ATP2B2: variants seen among roughly 807,000 people sequenced by gnomAD.
The protein encoded by ATP2B2 is plasma membrane calcium-transporting ATPase 2.
In ATP2B2, 15 loss-of-function variants were observed where a neutral mutation model predicts 120.0. The ratio of observed to expected loss-of-function variants is 0.12; its 90% CI spans 0.08 to 0.19. The LOEUF (loss-of-function observed/expected upper bound fraction) is 0.19. Among genes scored for constraint, ATP2B2 ranks in the 10% least tolerant of loss-of-function variants. The pLI is 1.00. For missense variants in ATP2B2, 1,045 were observed against 1,719.8 expected, an observed-to-expected ratio of 0.61 and a Z score of 6.94; for synonymous variants, 694 against 700.3, an observed-to-expected ratio of 0.99 and a Z score of 0.14.
chr3:10,473,624 C>T (rs2065096000), intron 1 of ATP2B2, among the ~76,000 whole-genome samples: 2 of 152,206 alleles, frequency 1.3e-5, no homozygotes, highest in African/African-American at 4.8e-5. Context: ...GAATGAGGCT[C>T]TGTCACACAA....
At chr3:10,413,049 T>C (rs1034302814) in intron 2 of ATP2B2, among the ~76,000 whole-genome samples, 1 of 151,984 alleles carries the variant, frequency 6.6e-6, no homozygotes, top group Admixed American at 6.6e-5. Flanking sequence ...TGGTCTAATA[T>C]ATGGTTTTAG....
intron 2 of ATP2B2, among the ~76,000 whole-genome samples, chr3:10,537,253 T>C (rs1156613687): frequency 5.3e-5 from 8 of 152,352 alleles, no homozygotes; most frequent in African/African-American, 1.4e-4. Context: ...TCTACATCTA[T>C]ACTGATTTTT....
intron 2 of ATP2B2, among the ~76,000 whole-genome samples, 166 bp downstream of exon 2, chr3:10,449,179 C>A (rs940884283): frequency 2.0e-5 from 3 of 152,242 alleles, no homozygotes; most frequent in Non-Finnish European, 1.5e-5. Context: ...CCCAGCCTAT[C>A]CAGAGGGGCT....
Position 10,358,819 on chromosome 3 carries a change from G to A in ATP2B2, c.2008C>T (p.Arg670Cys). ...VIEPMACDGLRTICVAYRDFP... is the reference protein window; with the variant it reads ...VIEPMACDGLCTICVAYRDFP... ...TCGCGGTAGGCCACGCAGATAGTGC[G>A]GAGCCCATCGCAAGCCATGGGCTCA... The change falls in exon 14 of 23, where the codon CGC (arginine) becomes TGC (cysteine). Residue 670 changes from arginine to cysteine, a missense_variant. Coordinates refer to ENST00000360273, the MANE Select transcript of ATP2B2 (RefSeq NM_001001331.4). 1 of 1,614,214 alleles carries A rather than the reference G, an allele frequency of 6.2e-7. No homozygotes were observed.
rs2059931145 is a variant in ATP2B2 at position 10,329,814 on chromosome 3, CG to C, written c.3421-690del. 6.6e-6 allele frequency among the ~76,000 whole-genome samples: 1 copy of C among 152,134 alleles called. No homozygotes were observed. The highest frequency in any genetic ancestry group is 2.1e-4 in the South Asian group (1 of 4,826). ...CTGGCGGACAGATGACATTCGGGGGCGGGCTGCATGCCACGGGGAGGCCGGG... is the reference window on the plus strand; with the variant it reads ...CTGGCGGACAGATGACATTCGGGGGCGGCTGCATGCCACGGGGAGGCCGGG... On this transcript the variant is annotated intron_variant, in intron 22 of 22. Transcript: ENST00000360273. The surrounding 1 kb of genome is among the most constrained non-coding windows in gnomAD (Gnocchi z 5.9).
chr3:10,678,528 C>G (rs1163521647), intron 1 of ATP2B2, among the ~76,000 whole-genome samples: 1 of 152,170 alleles, frequency 6.6e-6, no homozygotes, highest in African/African-American at 2.4e-5. Flanking sequence ...CAGGTCTAAC[C>G]AAGAAAATGG....
At chr3:10,415,019 C>G (rs180958315) in intron 2 of ATP2B2, among the ~76,000 whole-genome samples, 185 of 152,216 alleles carry the variant, frequency 1.2e-3, no homozygotes, top group African/African-American at 4.3e-3. Context: ...CATGACGTCT[C>G]GCTCACTCCC....
chr3:10,582,524 C>T (rs377547210), intron 2 of ATP2B2, among the ~76,000 whole-genome samples: 1 of 152,152 alleles, frequency 6.6e-6, no homozygotes, highest in East Asian at 1.9e-4. Flanking sequence ...ATTATATGTG[C>T]TTTGGAGAAA....
intron 2 of ATP2B2, among the ~76,000 whole-genome samples, chr3:10,436,337 G>T (rs1053709000): frequency 5.3e-5 from 8 of 152,306 alleles, no homozygotes; most frequent in Non-Finnish European, 1.2e-4. Flanking sequence ...TATTGTATCT[G>T]CATGGTAGAA....
intron 2 of ATP2B2, among the ~76,000 whole-genome samples, chr3:10,559,543 A>G (rs1284096097): frequency 6.6e-6 from 1 of 152,210 alleles, no homozygotes; most frequent in Non-Finnish European, 1.5e-5. Context: ...GAAAAAAAAA[A>G]CTAGTGAATT....
intron 22 of ATP2B2, chr3:10,336,397 G>T: frequency 8.3e-7 from 1 of 1,208,336 alleles, no homozygotes; most frequent in Non-Finnish European, 1.2e-6. Flanking sequence ...CGCAGCCACG[G>T]CAACAACGAC....
chr3:10,345,296 G>T, intron 18 of ATP2B2, 88 bp downstream of exon 18: 1 of 1,475,814 alleles, frequency 6.8e-7, no homozygotes, highest in Non-Finnish European at 9.4e-7. Context: ...TTCTGACAGG[G>T]ACAACCTGGA....
At chr3:10,629,571 G>A (rs56837054) in intron 1 of ATP2B2, among the ~76,000 whole-genome samples, 8,096 of 152,250 alleles carry the variant, frequency 0.053, 628 homozygotes, top group East Asian at 0.41. Context: ...GGTAGAGGCT[G>A]TTGTTTTTCA....
intron 2 of ATP2B2, among the ~76,000 whole-genome samples, chr3:10,424,306 G>A (rs2063081053): frequency 6.6e-6 from 1 of 152,210 alleles, no homozygotes; most frequent in Admixed American, 6.5e-5. Context: ...AGGTCCCTGA[G>A]GCTCCGAACT....
At chr3:10,536,470 C>T (rs952973316) in intron 2 of ATP2B2, among the ~76,000 whole-genome samples, 5 of 151,038 alleles carry the variant, frequency 3.3e-5, no homozygotes, top group Non-Finnish European at 7.4e-5. Context: ...CTTCCTCCTT[C>T]CTCCTCCTCC....
intron 2 of ATP2B2, among the ~76,000 whole-genome samples, chr3:10,576,140 C>T (rs935839132): frequency 1.3e-5 from 2 of 152,244 alleles, no homozygotes; most frequent in African/African-American, 4.8e-5. Flanking sequence ...GGTTTGCTGA[C>T]TGGAGGTGTC....
At chr3:10,634,599 A>G (rs2069968038) in intron 1 of ATP2B2, among the ~76,000 whole-genome samples, 1 of 152,226 alleles carries the variant, frequency 6.6e-6, no homozygotes, top group Non-Finnish European at 1.5e-5. Context: ...TGTGACATAC[A>G]GAAAATATAA....
At chr3:10,521,627 G>T (rs903877652) in intron 3 of ATP2B2, among the ~76,000 whole-genome samples, 1 of 152,236 alleles carries the variant, frequency 6.6e-6, no homozygotes, top group Non-Finnish European at 1.5e-5. Flanking sequence ...TGTGGGAACG[G>T]AGGTGAAATG....
At chr3:10,408,204 G>A (rs565715157) in intron 3 of ATP2B2, among the ~76,000 whole-genome samples, 1 of 152,356 alleles carries the variant, frequency 6.6e-6, no homozygotes, top group Non-Finnish European at 1.5e-5. Context: ...AGTGCCACGT[G>A]TGCTGGGTGC....
Sources: gnomAD v4.1 joint callset for allele counts (sites outside exome capture counted in the v4.1 genomes callset) on GRCh38, gnomAD v4.1.1 for gene constraint, Gnocchi (gnomAD v3.1) non-coding constraint, MANE v1.5 for transcripts, NCBI Gene and HGNC (gene_info 2026-07-23, HGNC 2026-07-21) for gene names.